Variants in SLC25A24 observed in about 807,000 individuals in gnomAD.
SLC25A24 encodes solute carrier family 25 member 24.
Under a neutral mutation model 60.7 loss-of-function variants are expected in SLC25A24, and 49 were observed. That is an observed-to-expected ratio of 0.81 (90% CI 0.64 to 1.02). SLC25A24 has a LOEUF of 1.02. Among genes scored for constraint, SLC25A24 ranks in the 50% least tolerant of loss-of-function variants. The pLI is 0.00. For synonymous variants in SLC25A24, 202 were observed against 200.6 expected, an observed-to-expected ratio of 1.01 and a Z score of -0.06; for missense variants, 564 against 586.3, an observed-to-expected ratio of 0.96 and a Z score of 0.39.
At chr1:108,155,261 T>C (rs1287730073) in intron 5 of SLC25A24, 126 bp from the exon 6 acceptor site, 12 of 861,964 alleles carry the variant, frequency 1.4e-5, no homozygotes, top group South Asian at 2.1e-5. Flanking sequence ...AAATAAAATA[T>C]AGAAAGGTTG....
chr1:108,136,982 T>C (rs1009521837), intron 9 of SLC25A24, 145 bp from the exon 10 acceptor site: 3 of 736,654 alleles, frequency 4.1e-6, no homozygotes, highest in Non-Finnish European at 6.7e-6. Flanking sequence ...ATCCCTTTTA[T>C]GATCCTCTTT....
chr1:108,148,240 G>A (rs765668540), intron 7 of SLC25A24, 39 bp downstream of exon 7: 6 of 1,210,774 alleles, frequency 5.0e-6, no homozygotes, highest in African/African-American at 1.5e-5. Flanking sequence ...CAACCAACAC[G>A]AACACCATCA....
chr1:108,178,253 T>C (rs868779132), intron 3 of SLC25A24, among the ~76,000 whole-genome samples: 1 of 152,166 alleles, frequency 6.6e-6, no homozygotes, highest in African/African-American at 2.4e-5. Context: ...ACAGCAATAG[T>C]AGGGGACTTC....
chr1:108,192,795 G>A, intron 1 of SLC25A24: 1 of 1,288,924 alleles, frequency 7.8e-7, no homozygotes, highest in Non-Finnish European at 9.9e-7. Flanking sequence ...GCTCTGGAAG[G>A]AGAGGGCTCA....
At chr1:108,163,684 A>AT (rs1680159283) in intron 3 of SLC25A24, among the ~76,000 whole-genome samples, 1 of 151,314 alleles carries the variant, frequency 6.6e-6, no homozygotes, top group Non-Finnish European at 1.5e-5. Context: ...GCTTAAGGAG[A>AT]TTTTGGGCTG....
chr1:108,157,528 T>A lies in SLC25A24; in HGVS notation c.603A>T (p.Gly201=), dbSNP rs765773886. ...TTCGAGAGACAGCACCAGCAATGCC[T>A]CCTGCCAAAAGCTGCCTCCACCATT... is the stretch of plus-strand genomic sequence containing the variant. ...SGQWWRQLLA[G]GIAGAVSRTS... is the part of the protein sequence containing the mutation. Residue 201 remains glycine (G), a synonymous_variant, in exon 5 of 10, where the codon GGA becomes GGT. Coordinates refer to ENST00000565488, the MANE Select transcript of SLC25A24 (RefSeq NM_013386.5). 6 of 1,614,148 alleles carry A rather than the reference T, an allele frequency of 3.7e-6. No individual in the cohort carries two copies. Among genetic ancestry groups the A allele is most frequent in the Middle Eastern group, 1.6e-4 (1 of 6,062 alleles).
intron 2 of SLC25A24, among the ~76,000 whole-genome samples, chr1:108,182,257 A>G (rs1338610664): frequency 6.6e-6 from 1 of 152,232 alleles, no homozygotes; most frequent in East Asian, 1.9e-4. Flanking sequence ...AGTAATTGTA[A>G]CAGCCTTATA....
At chr1:108,156,595 A>C (rs1679905928) in intron 5 of SLC25A24, among the ~76,000 whole-genome samples, 1 of 152,236 alleles carries the variant, frequency 6.6e-6, no homozygotes, top group African/African-American at 2.4e-5. Flanking sequence ...TCTACAGACA[A>C]ATATAAAAAG....
At chr1:108,162,101 C>T (rs1233189655) in intron 3 of SLC25A24, among the ~76,000 whole-genome samples, 1 of 152,124 alleles carries the variant, frequency 6.6e-6, no homozygotes, top group East Asian at 1.9e-4. Context: ...CCAATTTCAT[C>T]CATGTCCCTA....
chr1:108,183,664 T>C (rs980212918), intron 2 of SLC25A24, among the ~76,000 whole-genome samples: 1 of 152,192 alleles, frequency 6.6e-6, no homozygotes. Flanking sequence ...TATGGCTTTC[T>C]TGCACTTAGG....
At chr1:108,161,351 T>C in intron 3 of SLC25A24, 58 bp from the exon 4 acceptor site, 1 of 863,332 alleles carries the variant, frequency 1.2e-6, no homozygotes. Context: ...AAAACTAACA[T>C]TATTGGCCAC....
chr1:108,146,047 C>T (rs998871132), intron 7 of SLC25A24, among the ~76,000 whole-genome samples: 6 of 152,142 alleles, frequency 3.9e-5, no homozygotes, highest in Admixed American at 3.3e-4. Flanking sequence ...TATCCATGAG[C>T]ATGAAATGTT....
intron 1 of SLC25A24, among the ~76,000 whole-genome samples, chr1:108,189,410 T>G (rs1648263268): frequency 6.6e-6 from 1 of 152,244 alleles, no homozygotes; most frequent in Non-Finnish European, 1.5e-5. Flanking sequence ...CTCAACATTC[T>G]GTGCCATCCT....
intron 1 of SLC25A24, 77 bp from the exon 2 acceptor site, chr1:108,186,031 A>G (rs1198473095): frequency 6.0e-6 from 7 of 1,168,536 alleles, no homozygotes; most frequent in Non-Finnish European, 8.3e-6. Flanking sequence ...TATTTCAAGC[A>G]GATTAGCTGT....
chr1:108,172,055 T>G (rs561481866), intron 3 of SLC25A24, among the ~76,000 whole-genome samples: 2 of 152,102 alleles, frequency 1.3e-5, no homozygotes, highest in South Asian at 2.1e-4. Context: ...TCTGAACAAT[T>G]CTGGAGAAAG....
At chr1:108,156,924 G>A (rs1488546920) in intron 5 of SLC25A24, among the ~76,000 whole-genome samples, 2 of 152,188 alleles carry the variant, frequency 1.3e-5, no homozygotes, top group Admixed American at 6.5e-5. Flanking sequence ...CTGGGCTGCT[G>A]CAAGGATTAA....
Position 108,192,449 on chromosome 1 carries a change from G to T in SLC25A24, c.184-6495C>A, listed in dbSNP as rs761218913. On this transcript the variant is annotated intron_variant, in intron 1 of 9. Transcript: ENST00000565488. ...CCTCTCTGCCCAATGCCTCTCCAGGGCTCCCAGCCCCAACGTCTCTCTGAT... is the reference window on the plus strand; with the variant it reads ...CCTCTCTGCCCAATGCCTCTCCAGGTCTCCCAGCCCCAACGTCTCTCTGAT... The T allele has an allele frequency of 1.0e-5, 14 of 1,357,310 alleles. 3 individuals are homozygous for T. Among genetic ancestry groups the T allele is most frequent in the Admixed American group, 6.6e-5 (3 of 45,674 alleles). The allele number at this position is 1,357,310 out of a possible 1,614,324, so 84.1% of individuals were successfully genotyped here. A position where few individuals can be genotyped will look rare whatever the true frequency, so the allele number is the denominator to read the frequency against.
intron 6 of SLC25A24, among the ~76,000 whole-genome samples, chr1:108,153,934 A>T (rs1185667705): frequency 6.6e-6 from 1 of 152,164 alleles, no homozygotes; most frequent in Non-Finnish European, 1.5e-5. Context: ...AAATCCAAGT[A>T]TGTGGTCAGA....
chr1:108,188,196 G>A (rs548088031), intron 1 of SLC25A24, among the ~76,000 whole-genome samples: 1 of 151,802 alleles, frequency 6.6e-6, no homozygotes, highest in African/African-American at 2.4e-5. Flanking sequence ...CGGATATAAA[G>A]ATGGGAAAAG....
Sources: gnomAD v4.1 joint callset for allele counts (sites outside exome capture counted in the v4.1 genomes callset) on GRCh38, gnomAD v4.1.1 for gene constraint, MANE v1.5 for transcripts, NCBI Gene and HGNC (gene_info 2026-07-23, HGNC 2026-07-21) for gene names.